Variants in KIF3B observed in about 807,000 individuals in gnomAD.
KIF3B encodes kinesin-like protein KIF3B.
KIF3B carries 38 observed loss-of-function variants against 74.3 expected under a neutral mutation model. That is an observed-to-expected ratio of 0.51 (90% confidence interval 0.39 to 0.67). KIF3B has a LOEUF of 0.67. KIF3B is among the 30% of genes least tolerant of loss of function. The pLI is 0.00. For missense variants in KIF3B, 649 were observed against 932.0 expected, an observed-to-expected ratio of 0.70 and a Z score of 3.95; for synonymous variants, 326 against 342.5, an observed-to-expected ratio of 0.95 and a Z score of 0.53.
rs554386144 is a variant in KIF3B, at chr20:32,282,596, G to A, written c.-66+4831G>A. 1.3e-4 allele frequency among the ~76,000 whole-genome samples: 20 copies of A among 152,264 alleles called. 1 individual carries two copies. The South Asian group carries it at 4.1e-3, about 32-fold the overall frequency. On this transcript the variant is annotated intron_variant, in intron 1 of 8. Coordinates refer to ENST00000375712, the MANE Select transcript of KIF3B (RefSeq NM_004798.4). ...ACAGTCTGGCTTTTTGCCAGCCTGT[G>A]GAGCGGCAGGTGTGGGCTTTGCCAG...
intron 5 of KIF3B, among the ~76,000 whole-genome samples, chr20:32,323,446 C>A (rs1208211419): frequency 6.6e-6 from 1 of 151,840 alleles, no homozygotes; most frequent in African/African-American, 2.4e-5. Context: ...TGTCGCCAGA[C>A]TGGAGTGCAG....
intron 1 of KIF3B, among the ~76,000 whole-genome samples, chr20:32,293,191 T>G (rs568501460): frequency 3.3e-5 from 5 of 150,108 alleles, no homozygotes; most frequent in Non-Finnish European, 7.4e-5. Context: ...GAGGTTGACG[T>G]TGCAGTGAGC....
At position 32,301,577 on chromosome 20, in the gene KIF3B, G is replaced by A. The variant is rs528162669; in HGVS notation, c.-65-8136G>A. Reference sequence around the variant, plus strand: ...TTTTTAGTAAAGACGGGGTCTCACCGTGTTGGACAGGCTAGTCTTGAATTC... The same window carrying A: ...TTTTTAGTAAAGACGGGGTCTCACCATGTTGGACAGGCTAGTCTTGAATTC... On this transcript the variant is annotated intron_variant, in intron 1 of 8. Transcript: ENST00000375712. Among the ~76,000 whole-genome samples the A allele has an allele frequency of 6.6e-5, 10 of 150,718 alleles. No individual in the cohort carries two copies. In the South Asian group the frequency reaches 8.4e-4, roughly 13 times the overall value.
intron 1 of KIF3B, among the ~76,000 whole-genome samples, chr20:32,280,485 C>T (rs1020568861): frequency 3.3e-5 from 5 of 151,688 alleles, no homozygotes; most frequent in African/African-American, 4.8e-5. Context: ...GAGGCCAAGA[C>T]GGGTGGATCA....
chr20:32,320,094 C>T (rs2047851991), intron 5 of KIF3B, among the ~76,000 whole-genome samples: 1 of 151,908 alleles, frequency 6.6e-6, no homozygotes, highest in South Asian at 2.1e-4. Flanking sequence ...GGGGTTTTAC[C>T]ATCTTGGCCA....
chr20:32,299,787 AT>A (rs1050504516), intron 1 of KIF3B, among the ~76,000 whole-genome samples: 16 of 151,404 alleles, frequency 1.1e-4, no homozygotes, highest in African/African-American at 3.9e-4. Flanking sequence ...TTGTTTCTAG[AT>A]TTTTTTTGTT....
chr20:32,292,396 G>C (rs1297667594), intron 1 of KIF3B, among the ~76,000 whole-genome samples: 1 of 151,924 alleles, frequency 6.6e-6, no homozygotes, highest in East Asian at 1.9e-4. Context: ...AAGAGTTTGA[G>C]ACCAGCCTGT....
At chr20:32,328,946 C>T (rs186105127) in intron 7 of KIF3B, among the ~76,000 whole-genome samples, 6 of 152,214 alleles carry the variant, frequency 3.9e-5, no homozygotes, top group East Asian at 1.9e-4. Context: ...CTCGCTCTGT[C>T]GCCCAGGCTG....
chr20:32,297,912 A>C (rs1462208504), intron 1 of KIF3B, among the ~76,000 whole-genome samples: 1 of 152,020 alleles, frequency 6.6e-6, no homozygotes, highest in Non-Finnish European at 1.5e-5. Flanking sequence ...GTTTGAGACC[A>C]GCCTGACCAA....
intron 1 of KIF3B, among the ~76,000 whole-genome samples, chr20:32,297,652 G>A (rs1436960231): frequency 6.6e-6 from 1 of 152,120 alleles, no homozygotes; most frequent in Non-Finnish European, 1.5e-5. Flanking sequence ...AGACAGAGAT[G>A]TCTACAAGAG....
Position 32,330,181 on chromosome 20 carries a change from GGACCACCAGA to G in KIF3B, c.2013_2022del (p.Thr672MetfsTer89). On this transcript the variant is annotated frameshift_variant, in exon 8 of 9. Transcript: ENST00000375712. LOFTEE classifies it high-confidence loss of function. Reference sequence around the variant, plus strand: ...CTGTTAGAGCTGGACATGCCCAGCCGGACCACCAGAGACTATGAGGGTCCAGCCATTGCCC... The same window carrying G: ...CTGTTAGAGCTGGACATGCCCAGCCGGACTATGAGGGTCCAGCCATTGCCC... 1 of 1,613,814 alleles carries G rather than the reference GGACCACCAGA, an allele frequency of 6.2e-7. No individual in the cohort carries two copies. Among genetic ancestry groups the G allele is most frequent in the Non-Finnish European group, 8.5e-7 (1 of 1,179,892 alleles).
chr20:32,322,651 T>TA (rs1295631139), intron 5 of KIF3B, among the ~76,000 whole-genome samples: 5 of 66,186 alleles, frequency 7.6e-5, no homozygotes, highest in African/African-American at 2.0e-4. Flanking sequence ...TATATATATT[T>TA]TTATATATTT....
intron 1 of KIF3B, among the ~76,000 whole-genome samples, chr20:32,301,095 T>G (rs1024506019): frequency 3.5e-4 from 50 of 144,564 alleles, no homozygotes; most frequent in African/African-American, 1.1e-3. Flanking sequence ...CTTTTTTTTT[T>G]TTTTTTTTTT....
At chr20:32,281,584 G>T (rs2047643099) in intron 1 of KIF3B, among the ~76,000 whole-genome samples, 1 of 152,196 alleles carries the variant, frequency 6.6e-6, no homozygotes, top group Non-Finnish European at 1.5e-5. Flanking sequence ...GGGTGTGGTG[G>T]CACGTGCCTG....
intron 7 of KIF3B, among the ~76,000 whole-genome samples, chr20:32,329,651 ATAGAG>A (rs2047920853): frequency 6.6e-6 from 1 of 152,218 alleles, no homozygotes; most frequent in Non-Finnish European, 1.5e-5. Flanking sequence ...GTATTAAGTT[ATAGAG>A]TAATTTACAC....
At chr20:32,327,065 C>A (rs940578740) in intron 6 of KIF3B, among the ~76,000 whole-genome samples, 181 bp downstream of exon 6, 1 of 152,162 alleles carries the variant, frequency 6.6e-6, no homozygotes, top group Non-Finnish European at 1.5e-5. Context: ...AAAGTTTGAT[C>A]ATGAGTGTGG....
intron 7 of KIF3B, among the ~76,000 whole-genome samples, chr20:32,329,354 T>C (rs1357999821): frequency 1.3e-5 from 2 of 150,246 alleles, no homozygotes; most frequent in South Asian, 2.1e-4. Context: ...TTTTTTCTTT[T>C]TTTTTTTTTT....
At chr20:32,290,135 C>A (rs1415198641) in intron 1 of KIF3B, among the ~76,000 whole-genome samples, 3 of 152,154 alleles carry the variant, frequency 2.0e-5, no homozygotes, top group Non-Finnish European at 4.4e-5. Flanking sequence ...TGGCTCCCAG[C>A]ACTTTAGGAG....
chr20:32,281,077 G>T (rs2047640860), intron 1 of KIF3B, among the ~76,000 whole-genome samples: 1 of 152,198 alleles, frequency 6.6e-6, no homozygotes, highest in African/African-American at 2.4e-5. Context: ...CCCTGAGAAA[G>T]ACCCCGTCTT....
Sources: gnomAD v4.1 joint callset for allele counts (sites outside exome capture counted in the v4.1 genomes callset) on GRCh38, gnomAD v4.1.1 for gene constraint, MANE v1.5 for transcripts, NCBI Gene and HGNC (gene_info 2026-07-23, HGNC 2026-07-21) for gene names.